THSD7B: variants seen among roughly 807,000 people sequenced by gnomAD.
The protein encoded by THSD7B is thrombospondin type 1 domain containing 7B.
THSD7B carries 138 observed loss-of-function variants against 213.6 expected under a neutral mutation model. That is an observed-to-expected ratio of 0.65 (90% confidence interval 0.56 to 0.74). THSD7B has a LOEUF of 0.74. Ranked by LOEUF, THSD7B falls within the 30% of genes least tolerant of loss-of-function variation. The pLI is 0.00. For synonymous variants in THSD7B, 742 were observed against 687.0 expected, an observed-to-expected ratio of 1.08 and a Z score of -1.25; for missense variants, 1,931 against 1,991.5, an observed-to-expected ratio of 0.97 and a Z score of 0.58.
intron 2 of THSD7B, among the ~76,000 whole-genome samples, chr2:136,984,915 T>G (rs1685645615): frequency 6.6e-6 from 1 of 152,164 alleles, no homozygotes; most frequent in Non-Finnish European, 1.5e-5. Flanking sequence ...ATGTATACCT[T>G]AGCAGAGAAC....
intron 15 of THSD7B, among the ~76,000 whole-genome samples, chr2:137,519,208 C>T (rs541896418): frequency 4.6e-5 from 7 of 151,398 alleles, no homozygotes; most frequent in Admixed American, 6.6e-5. Context: ...GCTGAGATTG[C>T]GCCACTGCAC....
At chr2:137,312,442 C>G (rs1206177393) in intron 12 of THSD7B, among the ~76,000 whole-genome samples, 20 of 146,424 alleles carry the variant, frequency 1.4e-4, no homozygotes, top group Non-Finnish European at 2.4e-4. Context: ...TTTTGTTGAT[C>G]CTTTCAAAAA....
chr2:137,005,415 G>C (rs1251277605), intron 2 of THSD7B, among the ~76,000 whole-genome samples: 1 of 152,176 alleles, frequency 6.6e-6, no homozygotes, highest in Non-Finnish European at 1.5e-5. Flanking sequence ...TGCCATCAGT[G>C]AAACGGCCCA....
chr2:137,639,227 G>A (rs897788319), intron 20 of THSD7B, among the ~76,000 whole-genome samples: 2 of 152,196 alleles, frequency 1.3e-5, no homozygotes, highest in African/African-American at 4.8e-5. Context: ...TGCTCCAGCT[G>A]TGGCTGAAAG....
intron 1 of THSD7B, among the ~76,000 whole-genome samples, chr2:136,857,358 C>T (rs1313375694): frequency 2.0e-5 from 3 of 152,206 alleles, no homozygotes; most frequent in African/African-American, 7.2e-5. Flanking sequence ...ACTGTGCACT[C>T]ATGGTAACCA....
At chr2:137,559,020 C>T (rs13392992) in intron 15 of THSD7B, among the ~76,000 whole-genome samples, 70,385 of 151,690 alleles carry the variant, frequency 0.46, 16,740 homozygotes, top group South Asian at 0.66. Context: ...ATGTGAAGGA[C>T]CTCTTCAAGG....
chr2:136,789,906 G>A (rs1681931499), intron 1 of THSD7B, among the ~76,000 whole-genome samples: 1 of 152,142 alleles, frequency 6.6e-6, no homozygotes, highest in Non-Finnish European at 1.5e-5. Context: ...CATTGCATGA[G>A]CAAAGGACTC....
intron 2 of THSD7B, among the ~76,000 whole-genome samples, chr2:137,054,179 G>A (rs62171228): frequency 3.9e-5 from 6 of 152,110 alleles, no homozygotes; most frequent in Non-Finnish European, 5.9e-5. Flanking sequence ...CGTTTTCAAC[G>A]CGTGTTCTCT....
At position 137,311,292 on chromosome 2, in the gene THSD7B, T is replaced by C. The variant is rs574705268; in HGVS notation, c.2500+35266T>C. Among the ~76,000 whole-genome samples, 46 of 151,822 alleles carry C rather than the reference T, an allele frequency of 3.0e-4. 1 individual carries two copies. Among genetic ancestry groups the C allele is most frequent in the African/African-American group, 1.0e-3 (43 of 41,378 alleles). On this transcript the variant is annotated intron_variant, in intron 12 of 27. Coordinates refer to ENST00000409968, the MANE Select transcript of THSD7B (RefSeq NM_001316349.2). ...ATTGTGAATGGGACTTCACTCATGA[T>C]TTGGCTCTCTGTTTGTCTGTTGTTG... is the stretch of plus-strand genomic sequence containing the variant.
chr2:137,676,625 T>C lies in THSD7B; in HGVS notation c.*20T>C, dbSNP rs375759031. The stretch of plus-strand genomic sequence containing the variant: ...ATGTAATCTGAAAAAGAAATCCAAA[T>C]GTAGACATCAACTGCCTTAACCGCT... On this transcript the variant is annotated 3_prime_UTR_variant, in exon 28 of 28. Transcript: ENST00000409968. 26 of 1,544,976 alleles carry C rather than the reference T, an allele frequency of 1.7e-5. No individual in the cohort carries two copies. The highest frequency in any genetic ancestry group is 2.3e-5 in the Non-Finnish European group (26 of 1,150,270).
chr2:137,317,301 C>A (rs530473071), intron 12 of THSD7B, among the ~76,000 whole-genome samples: 3 of 152,298 alleles, frequency 2.0e-5, no homozygotes, highest in Admixed American at 2.0e-4. Flanking sequence ...GCTACATGCT[C>A]AAATAGTGTT....
At chr2:137,091,376 A>G (rs1033845222) in intron 3 of THSD7B, among the ~76,000 whole-genome samples, 1 of 152,242 alleles carries the variant, frequency 6.6e-6, no homozygotes, top group African/African-American at 2.4e-5. Flanking sequence ...AATCTTGGAA[A>G]TTGAAACTCA....
chr2:137,271,978 A>G (rs1682749480), intron 10 of THSD7B, among the ~76,000 whole-genome samples: 1 of 152,050 alleles, frequency 6.6e-6, no homozygotes, highest in African/African-American at 2.4e-5. Context: ...GTTCTTTCCC[A>G]ATTTTACTGC....
chr2:137,457,220 G>C (rs1239994809), intron 15 of THSD7B, among the ~76,000 whole-genome samples: 1 of 152,128 alleles, frequency 6.6e-6, no homozygotes, highest in Non-Finnish European at 1.5e-5. Context: ...AATCAATCAT[G>C]AGAAGCAATT....
chr2:137,606,206 G>A (rs1040161115), intron 17 of THSD7B, among the ~76,000 whole-genome samples: 8 of 152,122 alleles, frequency 5.3e-5, no homozygotes, highest in East Asian at 1.9e-4. Context: ...GCAAAGTGGC[G>A]TAGGAGAGTG....
At chr2:137,159,928 G>T (rs986483597) in intron 5 of THSD7B, among the ~76,000 whole-genome samples, 1 of 152,022 alleles carries the variant, frequency 6.6e-6, no homozygotes, top group Non-Finnish European at 1.5e-5. Context: ...TAGATAATTT[G>T]TATCTATGAT....
At chr2:136,919,562 G>A (rs895399212) in intron 2 of THSD7B, among the ~76,000 whole-genome samples, 8 of 152,236 alleles carry the variant, frequency 5.3e-5, no homozygotes, top group East Asian at 1.9e-4. Context: ...GTGGCAGGCA[G>A]GATTATTAAA....
At chr2:137,319,464 C>G (rs1266509766) in intron 12 of THSD7B, among the ~76,000 whole-genome samples, 1 of 152,146 alleles carries the variant, frequency 6.6e-6, no homozygotes, top group African/African-American at 2.4e-5. Flanking sequence ...AGCAATGTTT[C>G]AATGAATATT....
intron 2 of THSD7B, among the ~76,000 whole-genome samples, chr2:136,993,967 A>G (rs1685834291): frequency 6.6e-6 from 1 of 152,214 alleles, no homozygotes; most frequent in Admixed American, 6.5e-5. Context: ...TATAGAAAAC[A>G]ATGAGCTAAG....
Sources: allele counts gnomAD v4.1 joint callset (sites outside exome capture counted in the v4.1 genomes callset), GRCh38; gene constraint gnomAD v4.1.1; transcripts MANE v1.5; gene names NCBI Gene and HGNC (gene_info 2026-07-23, HGNC 2026-07-21).